ZC3H14: variants seen among roughly 807,000 people sequenced by gnomAD.
The protein encoded by ZC3H14 is zinc finger CCCH-type containing 14.
ZC3H14 carries 31 observed loss-of-function variants against 92.4 expected under a neutral mutation model. The observed-to-expected ratio is 0.34, with a 90% CI of 0.25 to 0.45. The LOEUF is 0.45. Among genes scored for constraint, ZC3H14 ranks in the 20% least tolerant of loss-of-function variants. The pLI, the probability that ZC3H14 is intolerant of heterozygous loss-of-function variation, is 1.00. For synonymous variants in ZC3H14, 321 were observed against 300.9 expected, an observed-to-expected ratio of 1.07 and a Z score of -0.69; for missense variants, 781 against 897.3, an observed-to-expected ratio of 0.87 and a Z score of 1.66.
At chr14:88,574,608 T>G (rs2080922873) in intron 6 of ZC3H14, 85 bp from the exon 7 acceptor site, 2 of 1,536,596 alleles carry the variant, frequency 1.3e-6, no homozygotes, top group African/African-American at 1.4e-5. Context: ...CTGTGTACTG[T>G]TTTTTTCTTA....
rs1222812749 is a variant in ZC3H14 at position 88,627,051 on chromosome 14, C to T, written c.*15300C>T. 6.2e-7 allele frequency: 1 copy of T among 1,613,218 alleles called. No individual in the cohort carries two copies. Among genetic ancestry groups the T allele is most frequent in the African/African-American group, 1.3e-5 (1 of 74,856 alleles). ...CTCTGCTGGCAATTTTGGCACCTGA[C>T]AAGATACAACAAAATTATCTAGGTT... On this transcript the variant is annotated 3_prime_UTR_variant, in exon 17 of 17. Transcript: ENST00000251038.
chr14:88,618,740 C>T lies in ZC3H14; in HGVS notation c.*6989C>T. The T allele has an allele frequency of 6.2e-7, 1 of 1,606,730 alleles. No homozygotes were observed. The highest frequency in any genetic ancestry group is 2.2e-5 in the East Asian group (1 of 44,774). ...AGCTGATTCTGTTAAGAGTGGGGCC[C>T]AGCGTTAGGTCATAAAAATCCACTG... On this transcript the variant is annotated 3_prime_UTR_variant, in exon 17 of 17. Coordinates refer to ENST00000251038, the MANE Select transcript of ZC3H14 (RefSeq NM_024824.5).
rs2089019185 is a variant in ZC3H14 at position 88,621,867 on chromosome 14, TTG to T, written c.*10119_*10120del. 1 of 456,422 alleles carries T rather than the reference TTG, an allele frequency of 2.2e-6. No homozygotes were observed. The highest frequency in any genetic ancestry group is 2.4e-5 in the Admixed American group (1 of 42,534). The allele number at this position is 456,422 out of a possible 1,614,324, so 28.3% of individuals were successfully genotyped here. A position where few individuals can be genotyped will look rare whatever the true frequency, so the allele number is the denominator to read the frequency against. On this transcript the variant is annotated 3_prime_UTR_variant, in exon 17 of 17. Coordinates refer to ENST00000251038, the MANE Select transcript of ZC3H14 (RefSeq NM_024824.5). ...ATCACCTCAGACATTTATCATTTCT[TTG>T]TGATGGAAACTTTCAAAATCCTCTC...
intron 9 of ZC3H14, chr14:88,594,786 A>G (rs2083581142): frequency 9.9e-6 from 16 of 1,614,106 alleles, no homozygotes; most frequent in Non-Finnish European, 1.2e-5. Context: ...CACCGGAGCC[A>G]GTGGACTTAG....
At chr14:88,565,066 G>T (rs2079388291) in intron 2 of ZC3H14, among the ~76,000 whole-genome samples, 1 of 152,128 alleles carries the variant, frequency 6.6e-6, no homozygotes, top group South Asian at 2.1e-4. Flanking sequence ...ATCTGAGCCT[G>T]CCTCCATGAA....
At position 88,563,058 on chromosome 14, in the gene ZC3H14, G is replaced by A; in HGVS notation, c.-76G>A. 2 of 1,532,314 alleles carry A rather than the reference G, an allele frequency of 1.3e-6. No individual in the cohort carries two copies. The highest frequency in any genetic ancestry group is 1.7e-6 in the Non-Finnish European group (2 of 1,144,740). The allele number at this position is 1,532,314 out of a possible 1,614,324, so 94.9% of individuals were successfully genotyped here. ...AGGAGGAGGCGGTGGTGTCCCGGCT[G>A]CGGGGTAGGAGTCCGCGGCAGCCTC... On this transcript the variant is annotated 5_prime_UTR_variant, in exon 1 of 17. Transcript: ENST00000251038.
In ZC3H14 at chr14:88,596,651, C is replaced by T. The variant is rs2083860456; in HGVS notation, c.1280-83C>T. The stretch of plus-strand genomic sequence containing the variant: ...TACTTTTAAGACTTCAAGTTAAGAA[C>T]CCAGAAGGATTGATTTTTGGGAACC... On this transcript the variant is annotated intron_variant, in intron 9 of 16. Coordinates refer to ENST00000251038, the MANE Select transcript of ZC3H14 (RefSeq NM_024824.5). 2.4e-5 allele frequency: 29 copies of T among 1,185,092 alleles called. No individual in the cohort carries two copies. The South Asian group carries it at 3.3e-4, about 14-fold the overall frequency. The allele number at this position is 1,185,092 out of a possible 1,614,324, so 73.4% of individuals were successfully genotyped here. A position where few individuals can be genotyped will look rare whatever the true frequency, so the allele number is the denominator to read the frequency against.
rs1471458071 is a variant in ZC3H14, at chr14:88,620,918, T to G, written c.*9167T>G. ...CAGCATGTCCCAAATTCACTTTGTT[T>G]AACATCTTCTGCATTTAAAAAAAAA... On this transcript the variant is annotated 3_prime_UTR_variant, in exon 17 of 17. Transcript: ENST00000251038. The surrounding 1 kb of genome is among the most constrained non-coding windows in gnomAD (Gnocchi z 4.3). 8.7e-6 allele frequency: 13 copies of G among 1,496,090 alleles called. No homozygotes were observed. The highest frequency in any genetic ancestry group is 1.1e-5 in the Non-Finnish European group (13 of 1,131,480). 92.7% of individuals were successfully genotyped at this position (1,496,090 alleles called of 1,614,324 possible). A position where few individuals can be genotyped will look rare whatever the true frequency, so the allele number is the denominator to read the frequency against.
rs957692079 is a variant in ZC3H14, at chr14:88,613,219, A to G, written c.*1468A>G. 6 of 152,200 alleles carry G rather than the reference A, an allele frequency of 3.9e-5. No homozygotes were observed. Among genetic ancestry groups the G allele is most frequent in the Admixed American group, 2.6e-4 (4 of 15,286 alleles). 9.4% of individuals were successfully genotyped at this position (152,200 alleles called of 1,614,324 possible). On this transcript the variant is annotated 3_prime_UTR_variant, in exon 17 of 17. Coordinates refer to ENST00000251038, the MANE Select transcript of ZC3H14 (RefSeq NM_024824.5). The stretch of plus-strand genomic sequence containing the variant: ...ACGAGAAGCAGCAAAGACAGAGCAC[A>G]CAAGTGCATAAGGCTGTTGTCTTCG...
rs1378452633 is a variant in ZC3H14 at position 88,625,045 on chromosome 14, G to A, written c.*13294G>A. The A allele has an allele frequency of 1.2e-6, 2 of 1,613,768 alleles. No homozygotes were observed. The highest frequency in any genetic ancestry group is 2.2e-5 in the East Asian group (1 of 44,866). On this transcript the variant is annotated 3_prime_UTR_variant, in exon 17 of 17. Coordinates refer to ENST00000251038, the MANE Select transcript of ZC3H14 (RefSeq NM_024824.5). Reference sequence around the variant, plus strand: ...CATGGCAAACACAGGCCCGTTGTGAGCTCTCGCCACGATTCTACACAATAT... The same window carrying A: ...CATGGCAAACACAGGCCCGTTGTGAACTCTCGCCACGATTCTACACAATAT...
intron 4 of ZC3H14, among the ~76,000 whole-genome samples, chr14:88,571,686 G>A (rs1410317500): frequency 1.3e-5 from 2 of 152,216 alleles, no homozygotes; most frequent in African/African-American, 4.8e-5. Flanking sequence ...AGATGGCCGG[G>A]CACGGTGGCT....
intron 9 of ZC3H14, 35 bp from the exon 10 acceptor site, chr14:88,596,699 G>T (rs764556644): frequency 6.3e-7 from 1 of 1,580,746 alleles, no homozygotes; most frequent in South Asian, 1.1e-5. Context: ...TGTCTGTGTT[G>T]TAAGCTTAGT....
Position 88,614,602 on chromosome 14 carries a change from C to T in ZC3H14, c.*2851C>T, listed in dbSNP as rs977948994. 1 of 152,146 alleles carries T rather than the reference C, an allele frequency of 6.6e-6. No individual in the cohort carries two copies. The highest frequency in any genetic ancestry group is 2.4e-5 in the African/African-American group (1 of 41,426). The allele number at this position is 152,146 out of a possible 1,614,324, so 9.4% of individuals were successfully genotyped here. On this transcript the variant is annotated 3_prime_UTR_variant, in exon 17 of 17. Coordinates refer to ENST00000251038, the MANE Select transcript of ZC3H14 (RefSeq NM_024824.5). ...GGTCAATACAGCATCTTAAACCTCA[C>T]ACTTAGAAAAATATATTTTTAAATA...
At chr14:88,571,001 T>C in intron 3 of ZC3H14, 83 bp from the exon 4 acceptor site, 1 of 1,119,092 alleles carries the variant, frequency 8.9e-7, no homozygotes, top group Non-Finnish European at 1.2e-6. Flanking sequence ...TCTCTGAATA[T>C]AATGTCATAA....
rs568033902 is a variant in ZC3H14, at chr14:88,572,489, A to G, written c.432-89A>G. On this transcript the variant is annotated intron_variant, in intron 5 of 16. Coordinates refer to ENST00000251038, the MANE Select transcript of ZC3H14 (RefSeq NM_024824.5). Reference sequence around the variant, plus strand: ...TAAAGGGAGTATCCTCAGTTTTTTCATTGAAATTTTTCAAGTAAACATTCT... The same window carrying G: ...TAAAGGGAGTATCCTCAGTTTTTTCGTTGAAATTTTTCAAGTAAACATTCT... The G allele has an allele frequency of 3.3e-6, 5 of 1,525,110 alleles. No homozygotes were observed. The African/African-American group carries it at 4.1e-5, about 13-fold the overall frequency. 94.5% of individuals were successfully genotyped at this position (1,525,110 alleles called of 1,614,324 possible). A position where few individuals can be genotyped will look rare whatever the true frequency, so the allele number is the denominator to read the frequency against.
intron 9 of ZC3H14, chr14:88,594,734 T>A (rs750104507): frequency 6.2e-7 from 1 of 1,614,044 alleles, no homozygotes; most frequent in Non-Finnish European, 8.5e-7. Flanking sequence ...TTTATGAGAA[T>A]GTCTTCAAAG....
chr14:88,567,830 C>G, intron 2 of ZC3H14: 1 of 610,090 alleles, frequency 1.6e-6, no homozygotes, highest in Non-Finnish European at 3.0e-6. Context: ...TTGTAAGTAT[C>G]AATTATTCTT....
At chr14:88,594,646 T>G (rs1291988280) in intron 9 of ZC3H14, 2 of 1,608,098 alleles carry the variant, frequency 1.2e-6, no homozygotes, top group Non-Finnish European at 1.7e-6. Flanking sequence ...ATGAAATAAC[T>G]TAATGAGCTG....
Position 88,615,770 on chromosome 14 carries a change from CTG to C in ZC3H14, c.*4021_*4022del, listed in dbSNP as rs1363371177. 4.4e-6 allele frequency: 7 copies of C among 1,589,066 alleles called. No individual in the cohort carries two copies. Among genetic ancestry groups the C allele is most frequent in the South Asian group, 3.5e-5 (3 of 86,548 alleles). On this transcript the variant is annotated 3_prime_UTR_variant, in exon 17 of 17. Coordinates refer to ENST00000251038, the MANE Select transcript of ZC3H14 (RefSeq NM_024824.5). ...AGGGTTGGGTTTTGGTTTTTCTTCT[CTG>C]TAATTCTGGTCTCAAAGTTAATTTC... is the stretch of plus-strand genomic sequence containing the variant.
Sources: gnomAD v4.1 joint callset for allele counts (sites outside exome capture counted in the v4.1 genomes callset) on GRCh38, gnomAD v4.1.1 for gene constraint, Gnocchi (gnomAD v3.1) non-coding constraint, MANE v1.5 for transcripts, NCBI Gene and HGNC (gene_info 2026-07-23, HGNC 2026-07-21) for gene names.